KCNJ6: variants seen among roughly 807,000 people sequenced by gnomAD.
KCNJ6 encodes potassium inwardly rectifying channel subfamily J member 6.
A neutral mutation model predicts 34.2 loss-of-function variants in KCNJ6; 9 were observed. The observed-to-expected ratio is 0.26, with a 90% CI of 0.16 to 0.46. The LOEUF (loss-of-function observed/expected upper bound fraction) is 0.46, where lower values mean the gene tolerates loss of function less well. Ranked by LOEUF, KCNJ6 falls within the 20% of genes least tolerant of loss-of-function variation. The pLI is 1.00. For synonymous variants in KCNJ6, 196 were observed against 207.1 expected (o/e 0.95, Z 0.46); for missense variants, 236 against 531.3 (o/e 0.44, Z 5.46).
chr21:37,708,564 A>G (rs896650332), intron 3 of KCNJ6, among the ~76,000 whole-genome samples: 1 of 200 alleles, frequency 5.0e-3, no homozygotes, highest in Non-Finnish European at 0.01. Flanking sequence ...ACCTAGGAAA[A>G]ACATATTCCA....
chr21:37,785,705 G>A (rs1251707819), intron 2 of KCNJ6, among the ~76,000 whole-genome samples: 3 of 152,200 alleles, frequency 2.0e-5, no homozygotes, highest in African/African-American at 7.2e-5. Context: ...TGCAGAAACT[G>A]GGGGTCAGAA....
Position 37,658,503 on chromosome 21 carries a change from AT to A in KCNJ6, c.947-33020del, listed in dbSNP as rs569604744. ...ATGTTAGCAGGCAACTTTGTGATAGATTTAGAAAGCCCCGAAGAAATGGGTG... is the reference window on the plus strand; with the variant it reads ...ATGTTAGCAGGCAACTTTGTGATAGATTAGAAAGCCCCGAAGAAATGGGTG... On this transcript the variant is annotated intron_variant, in intron 3 of 3. Coordinates refer to ENST00000609713, the MANE Select transcript of KCNJ6 (RefSeq NM_002240.5). 2.2e-4 allele frequency among the ~76,000 whole-genome samples: 33 copies of A among 152,342 alleles called. No individual in the cohort carries two copies. The South Asian group carries it at 5.4e-3, about 25-fold the overall frequency.
At chr21:37,786,797 C>T (rs558071213) in intron 2 of KCNJ6, among the ~76,000 whole-genome samples, 5 of 152,276 alleles carry the variant, frequency 3.3e-5, no homozygotes, top group East Asian at 3.9e-4. Flanking sequence ...AAAATGGGGC[C>T]GTTGTGAGGA....
chr21:37,787,897 T>C (rs2055199726), intron 2 of KCNJ6, among the ~76,000 whole-genome samples: 1 of 152,230 alleles, frequency 6.6e-6, no homozygotes, highest in African/African-American at 2.4e-5. Context: ...GTAGTGACTT[T>C]AATTAATAAT....
intron 1 of KCNJ6, among the ~76,000 whole-genome samples, chr21:37,852,123 G>A (rs2055540780): frequency 1.3e-5 from 2 of 152,174 alleles, no homozygotes; most frequent in South Asian, 4.1e-4. Context: ...AGGCTGGGTG[G>A]GGAGCTTTGG....
Position 37,760,339 on chromosome 21 carries a change from C to T in KCNJ6, c.26-45208G>A, listed in dbSNP as rs183953250. On this transcript the variant is annotated intron_variant, in intron 2 of 3. Coordinates refer to ENST00000609713, the MANE Select transcript of KCNJ6 (RefSeq NM_002240.5). ...GAAACTGAGCCACAGAGAATTTACA[C>T]GGCTCACCTAAGGCCACACAGAGTC... Among the ~76,000 whole-genome samples the T allele has an allele frequency of 1.6e-4, 25 of 152,346 alleles. 1 individual carries two copies. Among genetic ancestry groups the T allele is most frequent in the East Asian group, 7.7e-4 (4 of 5,188 alleles).
At chr21:37,836,097 G>T (rs2055450409) in intron 2 of KCNJ6, among the ~76,000 whole-genome samples, 1 of 152,128 alleles carries the variant, frequency 6.6e-6, no homozygotes, top group Non-Finnish European at 1.5e-5. Flanking sequence ...ACAGGCACTT[G>T]TCAAAAGAAG....
rs539111650 is a variant in KCNJ6, at chr21:37,900,057, T to G, written c.-28+15827A>C. Among the ~76,000 whole-genome samples, 6 of 152,346 alleles carry G rather than the reference T, an allele frequency of 3.9e-5. No individual in the cohort carries two copies. The South Asian group carries it at 1.2e-3, about 32-fold the overall frequency. On this transcript the variant is annotated intron_variant, in intron 1 of 3. Transcript: ENST00000609713. Reference sequence around the variant, plus strand: ...GGTCAATGGATGAGGGATTACAGATTGTTCTTTCACTAGGAAATGTTAGAA... The same window carrying G: ...GGTCAATGGATGAGGGATTACAGATGGTTCTTTCACTAGGAAATGTTAGAA...
At chr21:37,794,702 G>C (rs2055232719) in intron 2 of KCNJ6, among the ~76,000 whole-genome samples, 1 of 151,918 alleles carries the variant, frequency 6.6e-6, no homozygotes, top group African/African-American at 2.4e-5. Flanking sequence ...ACAGGGAGGG[G>C]AACATCACAT....
intron 1 of KCNJ6, among the ~76,000 whole-genome samples, chr21:37,853,858 A>ATATATATATATATATATATATATATATG (rs2055550755): frequency 4.1e-5 from 6 of 146,774 alleles, no homozygotes; most frequent in Admixed American, 2.7e-4. Flanking sequence ...ATATATATAT[A>ATATATATATATATATATATATATATATG]TATAAATTAC....
chr21:37,824,380 G>A (rs1048633824), intron 2 of KCNJ6, among the ~76,000 whole-genome samples: 2 of 151,612 alleles, frequency 1.3e-5, no homozygotes, highest in African/African-American at 2.4e-5. Context: ...TTCAACTCCT[G>A]TCAGAAATGA....
At chr21:37,857,463 G>A (rs539179642) in intron 1 of KCNJ6, among the ~76,000 whole-genome samples, 1 of 152,362 alleles carries the variant, frequency 6.6e-6, no homozygotes, top group South Asian at 2.1e-4. Flanking sequence ...CAGAGAGACA[G>A]AAGAAAATGC....
chr21:37,715,335 G>A (rs1207004080), intron 2 of KCNJ6, among the ~76,000 whole-genome samples: 1 of 152,204 alleles, frequency 6.6e-6, no homozygotes, highest in African/African-American at 2.4e-5. Context: ...TCTAGTTTGT[G>A]TAAGTACTTC....
chr21:37,895,987 A>G (rs1236151295), intron 1 of KCNJ6, among the ~76,000 whole-genome samples: 1 of 152,210 alleles, frequency 6.6e-6, no homozygotes, highest in Non-Finnish European at 1.5e-5. Context: ...CTTTATAAAG[A>G]AAAGAGTTTT....
At chr21:37,866,462 G>A (rs2055623205) in intron 1 of KCNJ6, among the ~76,000 whole-genome samples, 1 of 152,190 alleles carries the variant, frequency 6.6e-6, no homozygotes. Flanking sequence ...GGCACAGGCT[G>A]CTGGTTCTTC....
At chr21:37,672,194 G>A (rs1304371284) in intron 3 of KCNJ6, among the ~76,000 whole-genome samples, 1 of 152,036 alleles carries the variant, frequency 6.6e-6, no homozygotes, top group African/African-American at 2.4e-5. Flanking sequence ...CCAGTGATTG[G>A]GTCGGAAATG....
At chr21:37,658,217 C>T (rs1220395599) in intron 3 of KCNJ6, among the ~76,000 whole-genome samples, 1 of 152,156 alleles carries the variant, frequency 6.6e-6, no homozygotes, top group Non-Finnish European at 1.5e-5. Flanking sequence ...GATCAGAGCA[C>T]CTCAAGCATA....
intron 2 of KCNJ6, among the ~76,000 whole-genome samples, chr21:37,745,841 G>A (rs1032221561): frequency 3.9e-5 from 6 of 152,180 alleles, no homozygotes; most frequent in Non-Finnish European, 1.5e-5. Flanking sequence ...GTCCCACTAG[G>A]GCAGCGGAGG....
intron 3 of KCNJ6, among the ~76,000 whole-genome samples, chr21:37,629,954 T>C (rs1327409485): frequency 6.6e-6 from 1 of 152,216 alleles, no homozygotes; most frequent in African/African-American, 2.4e-5. Context: ...CAGTAAAATA[T>C]TAAAAAGTAT....
Sources: allele counts gnomAD v4.1 joint callset (sites outside exome capture counted in the v4.1 genomes callset), GRCh38; gene constraint gnomAD v4.1.1; transcripts MANE v1.5; gene names NCBI Gene and HGNC (gene_info 2026-07-23, HGNC 2026-07-21).